NRG1: variants seen among roughly 807,000 people sequenced by gnomAD.
NRG1 encodes neuregulin 1.
A neutral mutation model predicts 63.8 loss-of-function variants in NRG1; 18 were observed. The observed-to-expected ratio is 0.28, with a 90% CI of 0.19 to 0.42. NRG1 has a LOEUF of 0.42. Among genes scored for constraint, NRG1 ranks in the 10% least tolerant of loss-of-function variants. The probability of loss-of-function intolerance (pLI) is 1.00; values close to 1 mark genes in which losing one functional copy is unlikely to be tolerated. For synonymous variants in NRG1, 302 were observed against 301.3 expected (o/e 1.00, Z -0.02); for missense variants, 762 against 814.7 (o/e 0.94, Z 0.79).
At chr8:32,355,624 C>A (rs1012808520) in intron 1 of NRG1, among the ~76,000 whole-genome samples, 1 of 151,726 alleles carries the variant, frequency 6.6e-6, no homozygotes, top group South Asian at 2.1e-4. Context: ...ACCCACCCAT[C>A]CCCCCTCAAA....
intron 1 of NRG1, among the ~76,000 whole-genome samples, chr8:31,987,296 CAAA>C (rs573116880): frequency 5.1e-5 from 4 of 77,928 alleles, no homozygotes; most frequent in Non-Finnish European, 2.8e-5. Context: ...GAGACTGTCT[CAAA>C]AAAAAAAAAA....
chr8:32,201,385 T>C (rs1843485787), intron 1 of NRG1, among the ~76,000 whole-genome samples: 1 of 152,188 alleles, frequency 6.6e-6, no homozygotes, highest in African/African-American at 2.4e-5. Flanking sequence ...TTCTAGATAG[T>C]ACAAAATTTC....
chr8:31,649,407 GC>G (rs1204287722), intron 1 of NRG1, among the ~76,000 whole-genome samples: 1 of 152,136 alleles, frequency 6.6e-6, no homozygotes, highest in Non-Finnish European at 1.5e-5. Context: ...TTTGATACTA[GC>G]CTTCCTAATG....
intron 5 of NRG1, among the ~76,000 whole-genome samples, chr8:32,654,467 A>G (rs1430508999): frequency 2.6e-5 from 4 of 151,832 alleles, no homozygotes; most frequent in Non-Finnish European, 5.9e-5. Context: ...TGTGTCTACT[A>G]AAAATACAAA....
rs115399967 is a variant in NRG1, at chr8:32,142,095, C to T, written c.38-453733C>T. On this transcript the variant is annotated intron_variant, in intron 1 of 10. Coordinates refer to the NRG1 transcript ENST00000519301. ...ATGAAAACAAAATTTAATGTAAAGA[C>T]GCTTATAGCTTGCCTACCCTAAAAC... 2.6e-3 allele frequency among the ~76,000 whole-genome samples: 396 copies of T among 152,228 alleles called. 2 individuals are homozygous for T. Among genetic ancestry groups the T allele is most frequent in the African/African-American group, 9.0e-3 (375 of 41,530 alleles).
intron 1 of NRG1, among the ~76,000 whole-genome samples, chr8:32,210,355 C>T (rs1586110595): frequency 6.6e-6 from 1 of 152,184 alleles, no homozygotes; most frequent in East Asian, 1.9e-4. Context: ...CATATTGCCT[C>T]CAGAAAATCC....
Position 32,648,412 on chromosome 8 carries a change from G to A in NRG1, c.502+31527G>A, listed in dbSNP as rs774303359. The A allele has an allele frequency of 9.6e-5, 154 of 1,603,510 alleles. 1 individual carries two copies. The highest frequency in any genetic ancestry group is 8.4e-5 in the Non-Finnish European group (99 of 1,173,128). On this transcript the variant is annotated intron_variant, in intron 5 of 11. Coordinates refer to ENST00000356819, the Ensembl canonical transcript of NRG1. ...AAGTAGAGAGAGAGAGAGAGACGAT[G>A]ATGATGATGAATAAAAGGGGTGGGT...
chr8:31,640,134 C>T lies in NRG1; in HGVS notation c.37+703C>T, dbSNP rs1191118327. The stretch of plus-strand genomic sequence containing the variant: ...CGGCCCTGGCGCCGGGGGCGGCGGC[C>T]GGCAACGAGGCGGCTCCCGCGGGGG... On this transcript the variant is annotated intron_variant, in intron 1 of 10. Transcript: ENST00000519301. This position sits in a 1 kb window ranked among gnomAD's most constrained non-coding sequence, Gnocchi z 6.3. 9 of 1,162,152 alleles carry T rather than the reference C, an allele frequency of 7.7e-6. No individual in the cohort carries two copies. Among genetic ancestry groups the T allele is most frequent in the Non-Finnish European group, 9.5e-6 (9 of 943,866 alleles). 72.0% of individuals were successfully genotyped at this position (1,162,152 alleles called of 1,614,324 possible).
intron 1 of NRG1, among the ~76,000 whole-genome samples, chr8:32,189,896 T>C (rs1042490269): frequency 1.3e-5 from 2 of 152,154 alleles, no homozygotes; most frequent in African/African-American, 4.8e-5. Flanking sequence ...ATCTAGTAGA[T>C]TATTATTTTG....
intron 1 of NRG1, among the ~76,000 whole-genome samples, chr8:31,646,097 G>A (rs1327409521): frequency 1.3e-5 from 2 of 152,204 alleles, no homozygotes; most frequent in Non-Finnish European, 2.9e-5. Context: ...GACTGTGAAT[G>A]CAAATGGTCT....
At chr8:32,236,961 T>C (rs945596338) in intron 1 of NRG1, among the ~76,000 whole-genome samples, 9 of 152,062 alleles carry the variant, frequency 5.9e-5, no homozygotes, top group Non-Finnish European at 1.2e-4. Context: ...ATAACAGAGA[T>C]GTACCGCGAA....
intron 1 of NRG1, among the ~76,000 whole-genome samples, chr8:32,389,264 T>G (rs1224317951): frequency 2.0e-5 from 3 of 152,314 alleles, no homozygotes; most frequent in South Asian, 4.1e-4. Context: ...TTGGCATGTT[T>G]TGCTTATAAT....
At chr8:31,962,313 C>T (rs542523886) in intron 1 of NRG1, among the ~76,000 whole-genome samples, 3 of 152,260 alleles carry the variant, frequency 2.0e-5, no homozygotes, top group African/African-American at 7.2e-5. Context: ...ATAACTCCTA[C>T]TGCTGAGCTC....
At chr8:32,365,502 T>A (rs565565400) in intron 1 of NRG1, among the ~76,000 whole-genome samples, 2 of 152,304 alleles carry the variant, frequency 1.3e-5, no homozygotes, top group Middle Eastern at 6.8e-3. Flanking sequence ...TTTTATGGGT[T>A]CTTTTTTTAT....
At chr8:32,464,792 A>G (rs1220594258) in intron 1 of NRG1, among the ~76,000 whole-genome samples, 5 of 111,022 alleles carry the variant, frequency 4.5e-5, no homozygotes, top group South Asian at 2.5e-4. Flanking sequence ...TTTGTTTCTT[A>G]TTTTATTTTC....
intron 1 of NRG1, among the ~76,000 whole-genome samples, chr8:31,751,373 A>C (rs529756754): frequency 6.6e-6 from 1 of 152,106 alleles, no homozygotes; most frequent in East Asian, 1.9e-4. Flanking sequence ...CTGAGTAACA[A>C]GGGGAGGGAA....
intron 1 of NRG1, among the ~76,000 whole-genome samples, chr8:31,890,216 A>G (rs1380000434): frequency 1.3e-5 from 2 of 152,174 alleles, no homozygotes; most frequent in African/African-American, 2.4e-5. Context: ...GCTAAGAACC[A>G]TTATCCTAGA....
chr8:32,177,852 G>T (rs1585869925), intron 1 of NRG1, among the ~76,000 whole-genome samples: 4 of 152,046 alleles, frequency 2.6e-5, no homozygotes, highest in South Asian at 4.1e-4. Flanking sequence ...TGAGAAGTTT[G>T]CAGGGGGTGT....
In NRG1 at chr8:32,704,482, A is replaced by G. The variant is rs143912768; in HGVS notation, c.503-23467A>G. Among the ~76,000 whole-genome samples, 282 of 152,376 alleles carry G rather than the reference A, an allele frequency of 1.9e-3. 3 individuals are homozygous for G. The highest frequency in any genetic ancestry group is 6.5e-3 in the African/African-American group (271 of 41,592). ...ATTAATCTGCATATCACATAAGCAAATAAAAAACAAGCAATCATATATTTT... is the reference window on the plus strand; with the variant it reads ...ATTAATCTGCATATCACATAAGCAAGTAAAAAACAAGCAATCATATATTTT... On this transcript the variant is annotated intron_variant, in intron 5 of 11. Coordinates refer to ENST00000356819, the Ensembl canonical transcript of NRG1.
Sources: allele counts gnomAD v4.1 joint callset (sites outside exome capture counted in the v4.1 genomes callset), GRCh38; gene constraint gnomAD v4.1.1; non-coding constraint Gnocchi (gnomAD v3.1); transcripts MANE v1.5; gene names NCBI Gene and HGNC (gene_info 2026-07-23, HGNC 2026-07-21).